TFCP2L1: variants seen among roughly 807,000 people sequenced by gnomAD.
TFCP2L1 encodes transcription factor CP2-like protein 1.
A neutral mutation model predicts 72.2 loss-of-function variants in TFCP2L1; 12 were observed. That is an observed-to-expected ratio of 0.17 (90% confidence interval 0.11 to 0.27). TFCP2L1 has a LOEUF of 0.27. Among genes scored for constraint, TFCP2L1 ranks in the 10% least tolerant of loss-of-function variants. The pLI is 1.00. For synonymous variants in TFCP2L1, 260 were observed against 251.0 expected (o/e 1.04, Z -0.34); for missense variants, 488 against 624.6 (o/e 0.78, Z 2.33).
In TFCP2L1 at chr2:121,281,229, C is replaced by T. The variant is rs1431067211; in HGVS notation, c.105G>A (p.Gln35=). The part of the protein sequence containing the change: ...ALPIFKQEEP[Q]LSPENEARLP... ...GGCGGGCCTCGTTCTCGGGGGACAG[C>T]TGGGGTTCCTCCTGCTTGAAGATGG... Residue 35 remains glutamine (Q), a synonymous_variant, in exon 2 of 15, where the codon CAG becomes CAA. Transcript: ENST00000263707. 1 of 1,611,720 alleles carries T rather than the reference C, an allele frequency of 6.2e-7. No individual in the cohort carries two copies. The highest frequency in any genetic ancestry group is 2.2e-5 in the East Asian group (1 of 44,858).
intron 6 of TFCP2L1, among the ~76,000 whole-genome samples, chr2:121,245,589 C>T (rs1337653888): frequency 2.0e-5 from 3 of 152,202 alleles, no homozygotes; most frequent in Non-Finnish European, 4.4e-5. Flanking sequence ...TGGGCCAGGG[C>T]CTCAGAACCC....
At chr2:121,261,415 A>G (rs993428741) in intron 2 of TFCP2L1, among the ~76,000 whole-genome samples, 1 of 152,202 alleles carries the variant, frequency 6.6e-6, no homozygotes, top group African/African-American at 2.4e-5. Flanking sequence ...TGCTCAAAAA[A>G]GAATGAAGCC....
Position 121,235,579 on chromosome 2 carries a change from T to TTC in TFCP2L1, c.1004-269_1004-268insGA, listed in dbSNP as rs1558729301. On this transcript the variant is annotated intron_variant, in intron 10 of 14. Coordinates refer to ENST00000263707, the MANE Select transcript of TFCP2L1 (RefSeq NM_014553.3). ...CCTGCTTGCTTTCTTTCTTTCTTTT[T>TTC]TTTTTTTTTTTTTTTTTTAAGAGAC... 2.9e-5 allele frequency among the ~76,000 whole-genome samples: 4 copies of TTC among 137,240 alleles called. No individual in the cohort carries two copies. In the East Asian group the frequency reaches 6.4e-4, roughly 22 times the overall value. 90.0% of individuals were successfully genotyped at this position (137,240 alleles called of 152,430 possible). A position where few individuals can be genotyped will look rare whatever the true frequency, so the allele number is the denominator to read the frequency against.
intron 2 of TFCP2L1, among the ~76,000 whole-genome samples, chr2:121,257,424 A>G (rs1321742323): frequency 3.9e-5 from 6 of 152,144 alleles, no homozygotes; most frequent in Non-Finnish European, 8.8e-5. Context: ...TGAGCCACAC[A>G]AACGGGTGTG....
chr2:121,231,468 C>T (rs367606287), intron 13 of TFCP2L1, among the ~76,000 whole-genome samples: 29 of 152,214 alleles, frequency 1.9e-4, no homozygotes, highest in African/African-American at 6.8e-4. Context: ...ACACCTGCCC[C>T]GGAGTCCACT....
At chr2:121,225,283 T>C (rs1686006294) in intron 14 of TFCP2L1, among the ~76,000 whole-genome samples, 1 of 152,136 alleles carries the variant, frequency 6.6e-6, no homozygotes, top group South Asian at 2.1e-4. Flanking sequence ...CCAGGCTTGA[T>C]CTTCCCGGAG....
chr2:121,234,800 G>A (rs1268687895), intron 11 of TFCP2L1, among the ~76,000 whole-genome samples: 3 of 152,356 alleles, frequency 2.0e-5, no homozygotes, highest in East Asian at 1.9e-4. Flanking sequence ...TGTGCAGGAC[G>A]GCGCTGCTCT....
chr2:121,237,069 A>G (rs1686264527), intron 10 of TFCP2L1, among the ~76,000 whole-genome samples: 8 of 152,072 alleles, frequency 5.3e-5, no homozygotes, highest in Admixed American at 3.3e-4. Context: ...TTACTCTGTC[A>G]CTGTGGATGA....
At chr2:121,240,654 C>G in intron 7 of TFCP2L1, 1 of 985,350 alleles carries the variant, frequency 1.0e-6, no homozygotes, top group Non-Finnish European at 1.2e-6. Context: ...CCTCTCTTCC[C>G]AGGGGCAGTC....
chr2:121,231,803 G>T, intron 13 of TFCP2L1, 23 bp downstream of exon 13: 1 of 1,610,278 alleles, frequency 6.2e-7, no homozygotes, highest in Non-Finnish European at 8.5e-7. Context: ...CGTTGTCGGG[G>T]CAGGCCAGGC....
intron 13 of TFCP2L1, among the ~76,000 whole-genome samples, chr2:121,227,046 G>A (rs905020051): frequency 6.6e-6 from 1 of 152,186 alleles, no homozygotes; most frequent in Non-Finnish European, 1.5e-5. Context: ...CAGTGCCAAT[G>A]AGCGCCAGCT....
rs1484781201 is a variant in TFCP2L1 at position 121,237,708 on chromosome 2, G to A, written c.918C>T (p.Leu306=). ...EALPVGSDHL[L]PSASIQDAQQ... ...GGGCATCCTGGATCGAAGCTGATGG[G>A]AGCAGGTGCTGTGAGCAGAGGGGAG... The change falls in exon 10 of 15, where the codon CTC becomes CTT. Residue 306 remains leucine, a synonymous_variant. Transcript: ENST00000263707. 5 of 1,614,122 alleles carry A rather than the reference G, an allele frequency of 3.1e-6. No homozygotes were observed. Among genetic ancestry groups the A allele is most frequent in the Non-Finnish European group, 4.2e-6 (5 of 1,180,052 alleles).
At chr2:121,284,771 C>G (rs1687332670) in intron 1 of TFCP2L1, among the ~76,000 whole-genome samples, 1 of 152,162 alleles carries the variant, frequency 6.6e-6, no homozygotes, top group African/African-American at 2.4e-5. Flanking sequence ...CAGGTGCGCG[C>G]CCTGCACCCT....
chr2:121,239,368 G>A lies in TFCP2L1; in HGVS notation c.860+190C>T, dbSNP rs368669836. The stretch of plus-strand genomic sequence containing the variant: ...TAAGTTCTGGGCCGCTGTCCCACCC[G>A]ACAACGTTTACAGGGGTGTTTCTGA... On this transcript the variant is annotated intron_variant, in intron 8 of 14. Transcript: ENST00000263707. Among the ~76,000 whole-genome samples the A allele has an allele frequency of 1.6e-4, 25 of 152,302 alleles. No homozygotes were observed. The South Asian group carries it at 2.5e-3, about 15-fold the overall frequency.
chr2:121,274,507 C>T (rs1431950375), intron 2 of TFCP2L1, among the ~76,000 whole-genome samples: 1 of 152,066 alleles, frequency 6.6e-6, no homozygotes, highest in Non-Finnish European at 1.5e-5. Context: ...GTATATGAAA[C>T]ATAAGTGAAT....
intron 13 of TFCP2L1, among the ~76,000 whole-genome samples, chr2:121,228,646 G>A: frequency 6.6e-6 from 1 of 151,338 alleles, no homozygotes; most frequent in Non-Finnish European, 1.5e-5. Context: ...CATGCCTGTG[G>A]TCCCAGCTAC....
chr2:121,253,977 C>G (rs1573379647), intron 2 of TFCP2L1, among the ~76,000 whole-genome samples: 1 of 152,172 alleles, frequency 6.6e-6, no homozygotes, highest in South Asian at 2.1e-4. Context: ...AGAAGGCCAC[C>G]ACCCACAGTC....
Position 121,223,281 on chromosome 2 carries a change from ATAGT to A in TFCP2L1, c.*1056_*1059del, listed in dbSNP as rs3839034. 0.42 allele frequency: 64,167 copies of A among 151,696 alleles called. 14,884 individuals carry two copies. Among genetic ancestry groups the A allele is most frequent in the Non-Finnish European group, 0.53 (35,879 of 67,802 alleles). 9.4% of individuals were successfully genotyped at this position (151,696 alleles called of 1,614,324 possible). Reference sequence around the variant, plus strand: ...CAGTTACTGACACTCAAATTTCCCGATAGTTAGGCCATTAAGAAAGATGATGCAC... The same window carrying A: ...CAGTTACTGACACTCAAATTTCCCGATAGGCCATTAAGAAAGATGATGCAC... On this transcript the variant is annotated 3_prime_UTR_variant, in exon 15 of 15. Transcript: ENST00000263707.
intron 2 of TFCP2L1, among the ~76,000 whole-genome samples, chr2:121,264,306 G>A (rs372874848): frequency 6.6e-6 from 1 of 152,174 alleles, no homozygotes; most frequent in African/African-American, 2.4e-5. Context: ...TCTCTACTAA[G>A]GCAACACAGC....
Sources: allele counts gnomAD v4.1 joint callset (sites outside exome capture counted in the v4.1 genomes callset), GRCh38; gene constraint gnomAD v4.1.1; transcripts MANE v1.5; gene names NCBI Gene and HGNC (gene_info 2026-07-23, HGNC 2026-07-21).